The following PDSS2 variants were observed in gnomAD, a reference collection of about 807,000 sequenced individuals.
PDSS2 encodes all trans-polyprenyl-diphosphate synthase PDSS2.
Under a neutral mutation model 44.5 loss-of-function variants are expected in PDSS2, and 31 were observed. The ratio of observed to expected loss-of-function variants is 0.70; its 90% CI spans 0.52 to 0.94. PDSS2 has a LOEUF of 0.94. Ranked by LOEUF, PDSS2 falls within the 40% of genes least tolerant of loss-of-function variation. PDSS2 has a pLI of 0.00. For synonymous variants in PDSS2, 157 were observed against 180.3 expected (o/e 0.87, Z 1.03); for missense variants, 452 against 482.2 (o/e 0.94, Z 0.59).
chr6:107,309,303 G>C (rs910275828), intron 2 of PDSS2, among the ~76,000 whole-genome samples: 1 of 152,172 alleles, frequency 6.6e-6, no homozygotes, highest in Non-Finnish European at 1.5e-5. Flanking sequence ...CAGAGTGGCC[G>C]TAACAGAGTT....
chr6:107,156,200 T>TTTA (rs1554245610), intron 7 of PDSS2, among the ~76,000 whole-genome samples: 2 of 146,680 alleles, frequency 1.4e-5, no homozygotes, highest in Non-Finnish European at 3.0e-5. Context: ...TGAATGCTTT[T>TTTA]TTTTTTTTTT....
At chr6:107,207,771 G>A (rs1042196578) in intron 6 of PDSS2, among the ~76,000 whole-genome samples, 3 of 151,540 alleles carry the variant, frequency 2.0e-5, no homozygotes, top group Admixed American at 2.0e-4. Context: ...CACCATGCCT[G>A]GCTAACTTTT....
At position 107,459,540 on chromosome 6, in the gene PDSS2, G is replaced by A. The variant is rs1469094981; in HGVS notation, c.-255C>T. On this transcript the variant is annotated 5_prime_UTR_variant, in exon 1 of 8. Transcript: ENST00000369037. This position sits in a 1 kb window ranked among gnomAD's most constrained non-coding sequence, Gnocchi z 4.3. The stretch of plus-strand genomic sequence containing the variant: ...GGTAGAAACCACAGCCACTGCCTAT[G>A]TGGAGGACGCCATATTGGAGGCATG... The A allele has an allele frequency of 1.1e-5, 6 of 541,002 alleles. No homozygotes were observed. Among genetic ancestry groups the A allele is most frequent in the African/African-American group, 9.5e-5 (5 of 52,646 alleles). 33.5% of individuals were successfully genotyped at this position (541,002 alleles called of 1,614,324 possible). A position where few individuals can be genotyped will look rare whatever the true frequency, so the allele number is the denominator to read the frequency against.
At chr6:107,258,016 G>A (rs1316012572) in intron 3 of PDSS2, among the ~76,000 whole-genome samples, 3 of 152,102 alleles carry the variant, frequency 2.0e-5, no homozygotes, top group Admixed American at 6.5e-5. Context: ...ACTTACTTGT[G>A]TAAATCACAA....
intron 2 of PDSS2, among the ~76,000 whole-genome samples, chr6:107,313,271 A>G (rs1777100225): frequency 6.6e-6 from 1 of 152,240 alleles, no homozygotes; most frequent in African/African-American, 2.4e-5. Flanking sequence ...TTACACATTG[A>G]CAATAAAAAT....
chr6:107,176,134 C>T (rs1386556451), intron 7 of PDSS2, among the ~76,000 whole-genome samples: 1 of 152,012 alleles, frequency 6.6e-6, no homozygotes, highest in East Asian at 1.9e-4. Context: ...CTCCACCTCT[C>T]GGGTTCAAGT....
intron 3 of PDSS2, among the ~76,000 whole-genome samples, chr6:107,272,045 A>C (rs1265619614): frequency 6.6e-6 from 1 of 151,244 alleles, no homozygotes; most frequent in Non-Finnish European, 1.5e-5. Context: ...TTACAGAGTA[A>C]GACCCTGTCT....
At chr6:107,184,547 CAT>C (rs1164929657) in intron 7 of PDSS2, among the ~76,000 whole-genome samples, 1 of 152,158 alleles carries the variant, frequency 6.6e-6, no homozygotes, top group Non-Finnish European at 1.5e-5. Context: ...TGTCTGTGGA[CAT>C]TACTGTTTGC....
At position 107,173,122 on chromosome 6, in the gene PDSS2, C is replaced by CAA. The variant is rs34305757; in HGVS notation, c.1042-18347_1042-18346dup. ...CTGGCAACAGAGCGAGACTCTGTCT[C>CAA]AAAAAAAAAAAAAAAAGATAGAGTA... On this transcript the variant is annotated intron_variant, in intron 7 of 7. Transcript: ENST00000369037. Among the ~76,000 whole-genome samples the CAA allele has an allele frequency of 9.2e-3, 1,126 of 122,692 alleles. 13 individuals carry two copies. The highest frequency in any genetic ancestry group is 0.033 in the African/African-American group (1,043 of 31,736). The allele number at this position is 122,692 out of a possible 152,430, so 80.5% of individuals were successfully genotyped here.
intron 4 of PDSS2, among the ~76,000 whole-genome samples, chr6:107,228,910 C>G (rs1773933677): frequency 2.0e-5 from 3 of 152,020 alleles, no homozygotes; most frequent in African/African-American, 7.2e-5. Context: ...TTGTGAGTGA[C>G]AGAAGCTTGA....
At chr6:107,443,629 C>T (rs536398462) in intron 1 of PDSS2, among the ~76,000 whole-genome samples, 2 of 152,286 alleles carry the variant, frequency 1.3e-5, no homozygotes, top group South Asian at 4.1e-4. Context: ...TATTTCTAGC[C>T]TATTTCTTTT....
chr6:107,234,258 T>C (rs1562396375), intron 4 of PDSS2, among the ~76,000 whole-genome samples: 1 of 151,912 alleles, frequency 6.6e-6, no homozygotes, highest in African/African-American at 2.4e-5. Flanking sequence ...CAGGCTGGAG[T>C]GCAATGGTGC....
intron 1 of PDSS2, among the ~76,000 whole-genome samples, chr6:107,423,075 C>G (rs1161735757): frequency 6.6e-6 from 1 of 151,940 alleles, no homozygotes; most frequent in African/African-American, 2.4e-5. Context: ...ACAAAAAAAG[C>G]CTGACCAGGG....
chr6:107,287,673 C>CA (rs1776202113), intron 2 of PDSS2, among the ~76,000 whole-genome samples: 1 of 152,026 alleles, frequency 6.6e-6, no homozygotes, highest in Non-Finnish European at 1.5e-5. Flanking sequence ...AGGCATACAC[C>CA]ACCACACCTG....
At chr6:107,304,562 C>T (rs2115080935) in intron 2 of PDSS2, among the ~76,000 whole-genome samples, 1 of 152,298 alleles carries the variant, frequency 6.6e-6, no homozygotes, top group African/African-American at 2.4e-5. Context: ...TCAATGTGCT[C>T]AGCTACTCTC....
intron 4 of PDSS2, among the ~76,000 whole-genome samples, chr6:107,218,356 GGCCTCT>G (rs1773487265): frequency 6.6e-6 from 1 of 152,106 alleles, no homozygotes; most frequent in Non-Finnish European, 1.5e-5. Flanking sequence ...GCCTCTAGGA[GGCCTCT>G]GCACTTGCTG....
At chr6:107,363,316 C>G (rs547510699) in intron 1 of PDSS2, among the ~76,000 whole-genome samples, 1 of 152,316 alleles carries the variant, frequency 6.6e-6, no homozygotes, top group South Asian at 2.1e-4. Flanking sequence ...GCCGCAGACC[C>G]TCGCGGTGAG....
chr6:107,451,558 G>C (rs535447446), intron 1 of PDSS2, among the ~76,000 whole-genome samples: 1 of 152,246 alleles, frequency 6.6e-6, no homozygotes, highest in East Asian at 1.9e-4. Flanking sequence ...TTGGTTCCTT[G>C]CTTCTTTCTT....
chr6:107,199,749 G>A (rs986115403), intron 6 of PDSS2, among the ~76,000 whole-genome samples: 2 of 152,108 alleles, frequency 1.3e-5, no homozygotes, highest in Non-Finnish European at 2.9e-5. Flanking sequence ...TATATGTATT[G>A]GTTATGTACT....
Sources: allele counts gnomAD v4.1 joint callset (sites outside exome capture counted in the v4.1 genomes callset), GRCh38; gene constraint gnomAD v4.1.1; non-coding constraint Gnocchi (gnomAD v3.1); transcripts MANE v1.5; gene names NCBI Gene and HGNC (gene_info 2026-07-23, HGNC 2026-07-21).